Variants in ZMYND8 observed in about 807,000 individuals in gnomAD.
ZMYND8 encodes MYND-type zinc finger-containing chromatin reader ZMYND8.
In ZMYND8, 37 loss-of-function variants were observed where a neutral mutation model predicts 140.8. That is an observed-to-expected ratio of 0.26 (90% CI 0.20 to 0.35). The LOEUF (loss-of-function observed/expected upper bound fraction) is 0.35, where lower values mean the gene tolerates loss of function less well. Ranked by LOEUF, ZMYND8 falls within the 10% of genes least tolerant of loss-of-function variation. The pLI is 1.00. For missense variants in ZMYND8, 1,068 were observed against 1,570.0 expected, an observed-to-expected ratio of 0.68 and a Z score of 5.40; for synonymous variants, 592 against 597.1, an observed-to-expected ratio of 0.99 and a Z score of 0.12.
rs531092465 is a variant in ZMYND8 at position 47,283,140 on chromosome 20, G to A, written c.882+431C>T. Among the ~76,000 whole-genome samples, 240 of 152,224 alleles carry A rather than the reference G, an allele frequency of 1.6e-3. 1 individual carries two copies. The highest frequency in any genetic ancestry group is 0.014 in the Middle Eastern group (4 of 294). On this transcript the variant is annotated intron_variant, in intron 9 of 22. Transcript: ENST00000471951. ...AAGGCAGATCCACAGGGAAACTAGGGTGACTTTATTTCCCCCAAGAATCAT... is the reference window on the plus strand; with the variant it reads ...AAGGCAGATCCACAGGGAAACTAGGATGACTTTATTTCCCCCAAGAATCAT...
Position 47,276,372 on chromosome 20 carries a change from G to A in ZMYND8, c.1422C>T (p.Ala474=), listed in dbSNP as rs367620392. The A allele has an allele frequency of 1.2e-6, 2 of 1,604,222 alleles. No individual in the cohort carries two copies. Among genetic ancestry groups the A allele is most frequent in the African/African-American group, 2.7e-5 (2 of 74,742 alleles). ...SDVEQDAEKK[A]TSSHFSASEE... ...CGCTCGCACTGAAGTGGCTCGACGT[G>A]GCCTTCTTCTCAGCATCCTGCTCCA... Residue 474 remains alanine, a synonymous_variant, in exon 11 of 23, where the codon GCC becomes GCT. Coordinates refer to ENST00000471951, the MANE Select transcript of ZMYND8 (RefSeq NM_001281775.3).
chr20:47,255,742 A>ATACCGTGTATGTG (rs1555925170), intron 12 of ZMYND8, among the ~76,000 whole-genome samples: 6 of 55,814 alleles, frequency 1.1e-4, no homozygotes, highest in African/African-American at 4.8e-4. Flanking sequence ...ATATATATAT[A>ATACCGTGTATGTG]TATATATATA....
chr20:47,276,064 C>G (rs987637734), intron 11 of ZMYND8, among the ~76,000 whole-genome samples: 2 of 152,178 alleles, frequency 1.3e-5, no homozygotes, highest in African/African-American at 4.8e-5. Context: ...AACAGAACTC[C>G]ACAAGATTTC....
Position 47,227,283 on chromosome 20 carries a change from TG to T in ZMYND8, c.2938-3del. 8 of 1,614,138 alleles carry T rather than the reference TG, an allele frequency of 5.0e-6. No individual in the cohort carries two copies. Among genetic ancestry groups the T allele is most frequent in the Non-Finnish European group, 5.9e-6 (7 of 1,179,994 alleles). The stretch of plus-strand genomic sequence containing the variant: ...TATCTCGATCCTCAGCCTGCGAATC[TG>T]GAAGAGGGAGAGTGAGCGTCTTCAA... On this transcript the variant is annotated splice_polypyrimidine_tract_variant and splice_region_variant and intron_variant, in intron 17 of 22. Transcript: ENST00000471951.
intron 18 of ZMYND8, among the ~76,000 whole-genome samples, 188 bp downstream of exon 18, chr20:47,227,015 C>A (rs535332331): frequency 6.6e-6 from 1 of 152,288 alleles, no homozygotes; most frequent in African/African-American, 2.4e-5. Context: ...GAAAGGGGGG[C>A]TCCCGCCAAC....
intron 14 of ZMYND8, 44 bp from the exon 15 acceptor site, chr20:47,239,182 C>A: frequency 4.0e-6 from 6 of 1,485,598 alleles, no homozygotes; most frequent in Non-Finnish European, 1.8e-6. Context: ...CCGGATTTCA[C>A]TCAGGTTCAC....
chr20:47,226,882 G>C (rs559834674), intron 18 of ZMYND8, among the ~76,000 whole-genome samples: 1 of 152,218 alleles, frequency 6.6e-6, no homozygotes, highest in East Asian at 1.9e-4. Context: ...GGCTGGTCTT[G>C]AACTCCTGGA....
intron 7 of ZMYND8, 85 bp downstream of exon 7, chr20:47,290,102 A>G (rs1177426931): frequency 3.9e-6 from 5 of 1,294,610 alleles, no homozygotes; most frequent in Non-Finnish European, 5.4e-6. Flanking sequence ...AATATGAATT[A>G]AGAGCCTGAT....
chr20:47,347,391 C>A (rs193114062), intron 2 of ZMYND8, among the ~76,000 whole-genome samples: 76 of 152,316 alleles, frequency 5.0e-4, no homozygotes, highest in Non-Finnish European at 9.6e-4. Context: ...ACACTGGCCC[C>A]GGCATCCCAG....
chr20:47,303,669 C>T (rs1406636288), intron 3 of ZMYND8, among the ~76,000 whole-genome samples: 1 of 151,856 alleles, frequency 6.6e-6, no homozygotes. Context: ...GCACTCCAGC[C>T]TGTGTAACAG....
At chr20:47,324,676 C>A (rs897538673) in intron 2 of ZMYND8, among the ~76,000 whole-genome samples, 1 of 152,120 alleles carries the variant, frequency 6.6e-6, no homozygotes, top group Admixed American at 6.6e-5. Context: ...TCAGCTCCAA[C>A]CCCAATGGCC....
At chr20:47,219,773 A>T (rs2036669852) in intron 21 of ZMYND8, among the ~76,000 whole-genome samples, 1 of 152,190 alleles carries the variant, frequency 6.6e-6, no homozygotes, top group Admixed American at 6.5e-5. Flanking sequence ...CCTGCCTGCC[A>T]GGTTATTCTC....
At chr20:47,315,109 G>A (rs564726632) in intron 2 of ZMYND8, among the ~76,000 whole-genome samples, 1 of 151,820 alleles carries the variant, frequency 6.6e-6, no homozygotes, top group East Asian at 1.9e-4. Flanking sequence ...TAATGAGAAA[G>A]TGGGAAAAAA....
chr20:47,278,331 G>C (rs1191036595), intron 10 of ZMYND8, among the ~76,000 whole-genome samples: 1 of 152,200 alleles, frequency 6.6e-6, no homozygotes, highest in Non-Finnish European at 1.5e-5. Flanking sequence ...AAGCCCGGTA[G>C]AAAGCAGTGG....
At chr20:47,276,856 T>C in intron 10 of ZMYND8, 61 bp from the exon 11 acceptor site, 2 of 1,482,020 alleles carry the variant, frequency 1.3e-6, no homozygotes, top group Non-Finnish European at 1.8e-6. Context: ...AGATTGCTTT[T>C]TTCTTGATGT....
In ZMYND8 at chr20:47,313,848, G is replaced by A. The variant is rs563751740; in HGVS notation, c.86-3644C>T. Among the ~76,000 whole-genome samples the A allele has an allele frequency of 1.2e-4, 18 of 151,964 alleles. No individual in the cohort carries two copies. In the East Asian group the frequency reaches 1.9e-3, roughly 16 times the overall value. On this transcript the variant is annotated intron_variant, in intron 2 of 22. Coordinates refer to ENST00000471951, the MANE Select transcript of ZMYND8 (RefSeq NM_001281775.3). ...CTTGGGAGGCTGAGGCAGGAGAATC[G>A]ATTGAGCCCAGGAGGCAGGGGTTGC...
Position 47,227,152 on chromosome 20 carries a change from A to T in ZMYND8, c.3016+51T>A. 3.2e-6 allele frequency: 5 copies of T among 1,582,080 alleles called. 1 individual carries two copies. In the South Asian group the frequency reaches 5.5e-5, roughly 18 times the overall value. On this transcript the variant is annotated intron_variant, in intron 18 of 22. Transcript: ENST00000471951. ...TCGGCTTGACTCCAGAGGTGCAAAGAAGTTCACACCCAAAACCCTCCTCAG... is the reference window on the plus strand; with the variant it reads ...TCGGCTTGACTCCAGAGGTGCAAAGTAGTTCACACCCAAAACCCTCCTCAG...
intron 14 of ZMYND8, among the ~76,000 whole-genome samples, chr20:47,244,735 C>G (rs2040351410): frequency 1.3e-5 from 2 of 152,172 alleles, no homozygotes. Context: ...TTGTGAAACT[C>G]TGAGCTAAGT....
intron 2 of ZMYND8, among the ~76,000 whole-genome samples, chr20:47,337,919 G>A (rs752036725): frequency 9.2e-5 from 14 of 152,134 alleles, no homozygotes; most frequent in Non-Finnish European, 1.3e-4. Context: ...GGAGAGGGGC[G>A]TAAAAATTGA....
Sources: gnomAD v4.1 joint callset for allele counts (sites outside exome capture counted in the v4.1 genomes callset) on GRCh38, gnomAD v4.1.1 for gene constraint, MANE v1.5 for transcripts, NCBI Gene and HGNC (gene_info 2026-07-23, HGNC 2026-07-21) for gene names.